Variants in STIM2 observed in about 807,000 individuals in gnomAD.
The protein encoded by STIM2 is stromal interaction molecule 2.
STIM2 carries 31 observed loss-of-function variants against 85.8 expected under a neutral mutation model. That is an observed-to-expected ratio of 0.36 (90% CI 0.27 to 0.49). STIM2 has a LOEUF of 0.49. Among genes scored for constraint, STIM2 ranks in the 20% least tolerant of loss-of-function variants. STIM2 has a pLI of 0.98. For synonymous variants in STIM2, 356 were observed against 331.1 expected, an observed-to-expected ratio of 1.08 and a Z score of -0.82; for missense variants, 841 against 927.6, an observed-to-expected ratio of 0.91 and a Z score of 1.21.
Position 26,919,576 on chromosome 4 carries a change from T to C in STIM2, c.224T>C (p.Ile75Thr). Reference sequence around the variant, plus strand: ...TTTAGTCTGGAAGCTCTTCAAACAATACATAAACAAATGGATGATGACAAA... The same window carrying C: ...TTTAGTCTGGAAGCTCTTCAAACAACACATAAACAAATGGATGATGACAAA... Residue 75 changes from isoleucine to threonine, a missense_variant, in exon 2 of 12, where the codon ATA (isoleucine) becomes ACA (threonine). Ile to Thr is a moderately conservative substitution (Grantham distance 89). This residue lies in a region of STIM2 where 140 missense variants were observed against 117.7 expected (regional missense o/e 1.19). Coordinates refer to ENST00000467087, the MANE Select transcript of STIM2 (RefSeq NM_020860.4). 6.2e-7 allele frequency: 1 copy of C among 1,613,646 alleles called. No homozygotes were observed. The highest frequency in any genetic ancestry group is 2.2e-5 in the East Asian group (1 of 44,814).
chr4:26,920,224 A>G (rs73813220), intron 2 of STIM2, among the ~76,000 whole-genome samples: 41,471 of 152,022 alleles, frequency 0.27, 5,651 homozygotes, highest in East Asian at 0.41. Context: ...AGTGTTTATC[A>G]TGCCTCTGCT....
intron 1 of STIM2, among the ~76,000 whole-genome samples, chr4:26,900,412 C>G (rs1351062356): frequency 1.3e-5 from 2 of 152,128 alleles, no homozygotes; most frequent in Non-Finnish European, 2.9e-5. Context: ...TCTTAAGTTA[C>G]TAATAATTAA....
chr4:26,935,976 T>A (rs1386600907), intron 2 of STIM2, among the ~76,000 whole-genome samples: 1 of 152,322 alleles, frequency 6.6e-6, no homozygotes, highest in East Asian at 1.9e-4. Flanking sequence ...AAGTTCAACC[T>A]TAAAAATTTC....
intron 2 of STIM2, among the ~76,000 whole-genome samples, chr4:26,921,099 C>G (rs113580650): frequency 6.6e-6 from 1 of 152,064 alleles, no homozygotes; most frequent in Non-Finnish European, 1.5e-5. Flanking sequence ...TAGTGTTCTG[C>G]TAAGAGAGGA....
At chr4:26,919,157 GT>G (rs368709164) in intron 1 of STIM2, among the ~76,000 whole-genome samples, 11 of 150,320 alleles carry the variant, frequency 7.3e-5, no homozygotes, top group African/African-American at 2.7e-4. Flanking sequence ...GAGATCATTT[GT>G]TTTTTTGGTA....
In STIM2 at chr4:26,952,561, G is replaced by T. The variant is rs912711674; in HGVS notation, c.283-5051G>T. Among the ~76,000 whole-genome samples the T allele has an allele frequency of 2.6e-5, 4 of 151,994 alleles. No individual in the cohort carries two copies. The East Asian group carries it at 7.7e-4, about 29-fold the overall frequency. On this transcript the variant is annotated intron_variant, in intron 2 of 11. Transcript: ENST00000467087. ...ATAACCCTTTGAAGGTGACCATTTTGCAGGGGAGAAAACTGAAGCACAGAG... is the reference window on the plus strand; with the variant it reads ...ATAACCCTTTGAAGGTGACCATTTTTCAGGGGAGAAAACTGAAGCACAGAG...
At chr4:26,872,022 G>C (rs1158669754) in intron 1 of STIM2, among the ~76,000 whole-genome samples, 2 of 152,184 alleles carry the variant, frequency 1.3e-5, no homozygotes, top group Non-Finnish European at 2.9e-5. Context: ...ATTACTCTGT[G>C]TGTGCTTAGA....
chr4:26,894,656 C>A (rs1034872117), intron 1 of STIM2, among the ~76,000 whole-genome samples: 2 of 151,822 alleles, frequency 1.3e-5, no homozygotes, highest in Non-Finnish European at 2.9e-5. Flanking sequence ...TTTCACTGAT[C>A]TATTTTTCTG....
chr4:27,004,013 T>A (rs1437264195), intron 7 of STIM2, among the ~76,000 whole-genome samples: 2 of 152,208 alleles, frequency 1.3e-5, no homozygotes, highest in Non-Finnish European at 2.9e-5. Flanking sequence ...GTGACTCAGT[T>A]ATAAAGCAGG....
intron 3 of STIM2, among the ~76,000 whole-genome samples, chr4:26,979,870 T>G (rs1208597360): frequency 6.6e-6 from 1 of 152,214 alleles, no homozygotes; most frequent in African/African-American, 2.4e-5. Flanking sequence ...AATGAAAGAT[T>G]TGGTAGTATG....
chr4:26,910,107 C>T (rs191032518), intron 1 of STIM2, among the ~76,000 whole-genome samples: 99 of 152,240 alleles, frequency 6.5e-4, no homozygotes, highest in African/African-American at 2.3e-3. Context: ...TTTGCATGCA[C>T]CTGTTAACTT....
At chr4:26,921,535 C>T (rs1421894275) in intron 2 of STIM2, among the ~76,000 whole-genome samples, 1 of 152,202 alleles carries the variant, frequency 6.6e-6, no homozygotes, top group Non-Finnish European at 1.5e-5. Context: ...TGGCTGTTTT[C>T]CAATAAAACT....
intron 3 of STIM2, among the ~76,000 whole-genome samples, chr4:26,988,387 G>A (rs569275959): frequency 3.9e-5 from 6 of 152,270 alleles, no homozygotes; most frequent in Admixed American, 1.3e-4. Flanking sequence ...AAAGAAGAGC[G>A]AGCCTGGCAA....
At chr4:27,003,844 C>T (rs1229183010) in intron 7 of STIM2, among the ~76,000 whole-genome samples, 1 of 152,168 alleles carries the variant, frequency 6.6e-6, no homozygotes, top group Non-Finnish European at 1.5e-5. Context: ...AAAGGCCACC[C>T]ACATTTCTCA....
intron 3 of STIM2, among the ~76,000 whole-genome samples, chr4:26,985,962 T>G (rs563377936): frequency 2.4e-4 from 37 of 152,338 alleles, no homozygotes; most frequent in African/African-American, 8.9e-4. Flanking sequence ...ATCCAAGGTC[T>G]GCCACAGCTG....
intron 3 of STIM2, among the ~76,000 whole-genome samples, chr4:26,965,796 G>T (rs1282502282): frequency 6.6e-6 from 1 of 152,026 alleles, no homozygotes; most frequent in Non-Finnish European, 1.5e-5. Context: ...TCTTTACATA[G>T]ATTGTTCTTG....
At position 27,017,835 on chromosome 4, in the gene STIM2, G is replaced by C. The variant is rs760491679; in HGVS notation, c.1614G>C (p.Pro538=). The change falls in exon 11 of 12, where the codon CCG becomes CCC. Residue 538 remains proline (P), a synonymous_variant. Transcript: ENST00000467087. ...AGCTTGCTCCACACGCCCCCCACCC[G>C]TCACACCCTCGGCACCCTCACCACC... 3 of 1,613,908 alleles carry C rather than the reference G, an allele frequency of 1.9e-6. No individual in the cohort carries two copies. Among genetic ancestry groups the C allele is most frequent in the Admixed American group, 3.3e-5 (2 of 60,006 alleles).
chr4:26,874,998 C>T lies in STIM2; in HGVS notation c.151+13629C>T, dbSNP rs572716768. ...CAGCTTCTTCGTATTATGATTGCTA[C>T]GCGTTCCAGTACTCACTAGTTTGCA... On this transcript the variant is annotated intron_variant, in intron 1 of 11. Coordinates refer to ENST00000467087, the MANE Select transcript of STIM2 (RefSeq NM_020860.4). Among the ~76,000 whole-genome samples the T allele has an allele frequency of 1.9e-3, 296 of 152,322 alleles. 1 individual carries two copies. Among genetic ancestry groups the T allele is most frequent in the Middle Eastern group, 6.8e-3 (2 of 294 alleles).
intron 1 of STIM2, among the ~76,000 whole-genome samples, chr4:26,873,025 G>A (rs1722684145): frequency 1.3e-5 from 2 of 152,190 alleles, no homozygotes; most frequent in Admixed American, 1.3e-4. Flanking sequence ...GGGGAATGTT[G>A]GATGAGATCT....
Sources: allele counts gnomAD v4.1 joint callset (sites outside exome capture counted in the v4.1 genomes callset), GRCh38; gene constraint gnomAD v4.1.1; regional missense constraint gnomAD v4.1.1; transcripts MANE v1.5; gene names NCBI Gene and HGNC (gene_info 2026-07-23, HGNC 2026-07-21).